Variants in ANTXR1 observed in about 807,000 individuals in gnomAD.
ANTXR1 encodes ANTXR cell adhesion molecule 1, also known as anthrax toxin receptor 1.
In ANTXR1, 19 loss-of-function variants were observed where a neutral mutation model predicts 78.1. The ratio of observed to expected loss-of-function variants is 0.24; its 90% confidence interval spans 0.17 to 0.36. The LOEUF (loss-of-function observed/expected upper bound fraction) is 0.36, where lower values mean the gene tolerates loss of function less well. Among genes scored for constraint, ANTXR1 ranks in the 10% least tolerant of loss-of-function variants. ANTXR1 has a pLI of 1.00. For synonymous variants in ANTXR1, 273 were observed against 260.5 expected (o/e 1.05, Z -0.46); for missense variants, 518 against 718.6 (o/e 0.72, Z 3.19).
intron 7 of ANTXR1, among the ~76,000 whole-genome samples, chr2:69,076,042 C>T (rs1177839578): frequency 2.6e-5 from 4 of 152,170 alleles, no homozygotes; most frequent in Non-Finnish European, 5.9e-5. Flanking sequence ...GCCTCCCAGG[C>T]TTAAGTGATC....
At chr2:69,058,866 CA>C (rs1670149413) in intron 3 of ANTXR1, among the ~76,000 whole-genome samples, 1 of 152,164 alleles carries the variant, frequency 6.6e-6, no homozygotes, top group South Asian at 2.1e-4. Context: ...ACATTAACAG[CA>C]ACTTAGAAGA....
intron 8 of ANTXR1, among the ~76,000 whole-genome samples, chr2:69,081,237 A>G (rs1670892601): frequency 6.6e-6 from 1 of 152,186 alleles, no homozygotes; most frequent in Admixed American, 6.5e-5. Flanking sequence ...GGGGAATTTG[A>G]ACTCAGCTCT....
chr2:69,108,138 T>C, intron 10 of ANTXR1, among the ~76,000 whole-genome samples: 1 of 152,248 alleles, frequency 6.6e-6, no homozygotes, highest in East Asian at 1.9e-4. Context: ...AGTAATTTCA[T>C]TTAATTTTTA....
intron 8 of ANTXR1, among the ~76,000 whole-genome samples, chr2:69,079,665 A>G (rs1670843420): frequency 1.3e-5 from 2 of 152,218 alleles, no homozygotes; most frequent in Admixed American, 1.3e-4. Context: ...GGGTGTAGTT[A>G]CTGAAACAAG....
At chr2:69,148,675 G>A (rs1048611855) in intron 12 of ANTXR1, among the ~76,000 whole-genome samples, 6 of 152,156 alleles carry the variant, frequency 3.9e-5, no homozygotes, top group Admixed American at 6.5e-5. Context: ...GTGAATGTCC[G>A]CTGTGCTAAC....
At chr2:69,033,487 C>T (rs569094283) in intron 1 of ANTXR1, among the ~76,000 whole-genome samples, 2 of 152,320 alleles carry the variant, frequency 1.3e-5, no homozygotes, top group Admixed American at 6.5e-5. Context: ...CTCATTCTGA[C>T]TTGTCTTCTA....
At position 69,124,601 on chromosome 2, in the gene ANTXR1, C is replaced by G. The variant is rs758962500; in HGVS notation, c.909C>G (p.Leu303=). The change falls in exon 12 of 18, where the codon CTC becomes CTG. Residue 303 remains leucine (L), a synonymous_variant. Transcript: ENST00000303714. ...TCCAGGTCAGCATGAACGATGGCCT[C>G]TCTTTTATCTCCAGTTCTGTCATCA... ...AALQVSMNDG[L]SFISSSVIIT... 6.2e-7 allele frequency: 1 copy of G among 1,614,236 alleles called. No individual in the cohort carries two copies. The highest frequency in any genetic ancestry group is 1.1e-5 in the South Asian group (1 of 91,080).
At chr2:69,127,754 G>A (rs1672588013) in intron 12 of ANTXR1, among the ~76,000 whole-genome samples, 1 of 152,094 alleles carries the variant, frequency 6.6e-6, no homozygotes, top group South Asian at 2.1e-4. Context: ...TGAATATAGG[G>A]TTTAGAGAGA....
intron 10 of ANTXR1, among the ~76,000 whole-genome samples, chr2:69,103,975 G>C (rs1176755803): frequency 7.4e-6 from 1 of 134,814 alleles, no homozygotes; most frequent in East Asian, 2.1e-4. Flanking sequence ...TTTTGCTTCT[G>C]TTGTCCAGGC....
intron 9 of ANTXR1, among the ~76,000 whole-genome samples, chr2:69,094,026 C>A (rs1006352052): frequency 2.6e-5 from 4 of 152,186 alleles, no homozygotes; most frequent in Admixed American, 2.6e-4. Context: ...CAAAAGATAT[C>A]CTTACATCAA....
chr2:69,094,231 A>G (rs542778231), intron 9 of ANTXR1, among the ~76,000 whole-genome samples: 25 of 152,324 alleles, frequency 1.6e-4, no homozygotes, highest in Non-Finnish European at 3.1e-4. Flanking sequence ...AAAAGTATAA[A>G]TTGTTATGCA....
chr2:69,159,099 A>G (rs1376900879), intron 13 of ANTXR1, among the ~76,000 whole-genome samples: 1 of 152,234 alleles, frequency 6.6e-6, no homozygotes, highest in Non-Finnish European at 1.5e-5. Flanking sequence ...GGTTTGTATT[A>G]TCCTATTTCA....
intron 17 of ANTXR1, among the ~76,000 whole-genome samples, chr2:69,210,813 A>G (rs1161471907): frequency 6.6e-6 from 1 of 151,982 alleles, no homozygotes; most frequent in Non-Finnish European, 1.5e-5. Flanking sequence ...GCACAGGCCT[A>G]TAGTCCCAGC....
intron 2 of ANTXR1, among the ~76,000 whole-genome samples, chr2:69,040,455 C>G (rs575325397): frequency 1.3e-5 from 2 of 152,182 alleles, no homozygotes; most frequent in Non-Finnish European, 2.9e-5. Context: ...GCTGGACTCA[C>G]GTGTAGGGTG....
chr2:69,096,055 G>A (rs1194600380), intron 9 of ANTXR1, among the ~76,000 whole-genome samples: 2 of 151,870 alleles, frequency 1.3e-5, no homozygotes, highest in Admixed American at 6.6e-5. Flanking sequence ...TCAGGAGATC[G>A]AGACCATCCT....
chr2:69,203,009 A>C (rs1280367074), intron 17 of ANTXR1, among the ~76,000 whole-genome samples: 1 of 152,226 alleles, frequency 6.6e-6, no homozygotes, highest in African/African-American at 2.4e-5. Context: ...TCAAACCAGC[A>C]ATGACCAAAA....
chr2:69,211,167 T>C (rs1375231467), intron 17 of ANTXR1, among the ~76,000 whole-genome samples: 2 of 152,222 alleles, frequency 1.3e-5, no homozygotes, highest in Non-Finnish European at 2.9e-5. Context: ...TCAAAACAGG[T>C]TGCCAGTCAG....
intron 17 of ANTXR1, among the ~76,000 whole-genome samples, chr2:69,194,485 C>T (rs1446698393): frequency 4.6e-5 from 7 of 152,198 alleles, no homozygotes; most frequent in Admixed American, 4.6e-4. Flanking sequence ...GTAGATGGCA[C>T]GGACTTCTTC....
intron 10 of ANTXR1, among the ~76,000 whole-genome samples, chr2:69,106,661 C>T (rs181635194): frequency 6.6e-6 from 1 of 152,296 alleles, no homozygotes; most frequent in African/African-American, 2.4e-5. Context: ...ACAGAAGCAC[C>T]AAGTCAAGAA....
Sources: gnomAD v4.1 joint callset for allele counts (sites outside exome capture counted in the v4.1 genomes callset) on GRCh38, gnomAD v4.1.1 for gene constraint, MANE v1.5 for transcripts, NCBI Gene and HGNC (gene_info 2026-07-23, HGNC 2026-07-21) for gene names.